The following ALMS1 variants were observed in gnomAD, a reference collection of about 807,000 sequenced individuals.
ALMS1 encodes ALMS1 centrosome and basal body associated protein.
A neutral mutation model predicts 352.2 loss-of-function variants in ALMS1; 271 were observed. The observed-to-expected ratio is 0.77, with a 90% CI of 0.70 to 0.85. The LOEUF is 0.85. ALMS1 is among the 40% of genes least tolerant of loss of function. The pLI is 0.00. For missense variants in ALMS1, 5,445 were observed against 4,870.7 expected, an observed-to-expected ratio of 1.12 and a Z score of -3.51; for synonymous variants, 1,865 against 1,761.2, an observed-to-expected ratio of 1.06 and a Z score of -1.48.
At chr2:73,430,985 A>G (rs981889221) in intron 6 of ALMS1, among the ~76,000 whole-genome samples, 2 of 152,104 alleles carry the variant, frequency 1.3e-5, no homozygotes, top group Non-Finnish European at 2.9e-5. Flanking sequence ...AGGTAATTGA[A>G]AACTATGAAC....
intron 21 of ALMS1, 117 bp from the exon 22 acceptor site, chr2:73,608,358 G>C (rs548373662): frequency 7.2e-6 from 6 of 835,528 alleles, no homozygotes; most frequent in Non-Finnish European, 1.2e-5. Context: ...GCCTTTCTGA[G>C]AGGGATGAGC....
chr2:73,432,808 T>C (rs1671526813), intron 7 of ALMS1, among the ~76,000 whole-genome samples: 1 of 152,174 alleles, frequency 6.6e-6, no homozygotes, highest in African/African-American at 2.4e-5. Context: ...CCTGATGTTT[T>C]ATTAGAGGAA....
At chr2:73,527,397 T>C (rs1467792747) in intron 11 of ALMS1, among the ~76,000 whole-genome samples, 1 of 152,098 alleles carries the variant, frequency 6.6e-6, no homozygotes, top group Non-Finnish European at 1.5e-5. Flanking sequence ...AGCCATTGAG[T>C]CCTCAGCTTT....
At chr2:73,434,504 TGTA>T (rs749786006) in intron 7 of ALMS1, among the ~76,000 whole-genome samples, 13 of 152,220 alleles carry the variant, frequency 8.5e-5, no homozygotes, top group Non-Finnish European at 1.8e-4. Context: ...TGTTTTAGCA[TGTA>T]GTTTATTCTG....
intron 9 of ALMS1, among the ~76,000 whole-genome samples, chr2:73,460,389 A>G (rs1322953977): frequency 6.6e-6 from 1 of 152,214 alleles, no homozygotes; most frequent in African/African-American, 2.4e-5. Flanking sequence ...AATCTGTTTT[A>G]AGAATGTGGT....
intron 10 of ALMS1, among the ~76,000 whole-genome samples, chr2:73,494,996 T>C (rs1484488718): frequency 6.6e-6 from 1 of 152,244 alleles, no homozygotes; most frequent in African/African-American, 2.4e-5. Flanking sequence ...GGAATTCTTC[T>C]GTAAGGAGAA....
chr2:73,474,405 GTGTGTC>G (rs796770483), intron 9 of ALMS1, among the ~76,000 whole-genome samples: 22 of 140,074 alleles, frequency 1.6e-4, no homozygotes, highest in Non-Finnish European at 1.5e-4. Flanking sequence ...GTGTGTGTGT[GTGTGTC>G]TATTGGTTTA....
chr2:73,592,794 G>A (rs965723521), intron 16 of ALMS1, among the ~76,000 whole-genome samples: 4 of 152,012 alleles, frequency 2.6e-5, no homozygotes, highest in African/African-American at 9.7e-5. Context: ...TAATAAATAC[G>A]GGAATGAGTC....
In ALMS1 at chr2:73,557,287, C is replaced by T; in HGVS notation, c.10146C>T (p.His3382=). The change falls in exon 14 of 23, where the codon CAC becomes CAT. Residue 3382 remains histidine, a synonymous_variant. Coordinates refer to ENST00000613296, the MANE Select transcript of ALMS1 (RefSeq NM_001378454.1). ...CAGACAAAAAACAGCAAGAGATTCACAGTACAAGGGCAGTGACTGAGGCTG... is the reference window on the plus strand; with the variant it reads ...CAGACAAAAAACAGCAAGAGATTCATAGTACAAGGGCAGTGACTGAGGCTG... The part of the protein sequence containing the change: ...NLSDKKQQEI[H]STRAVTEAAQ... The T allele has an allele frequency of 6.2e-7, 1 of 1,614,138 alleles. No homozygotes were observed. The highest frequency in any genetic ancestry group is 8.5e-7 in the Non-Finnish European group (1 of 1,180,014).
intron 16 of ALMS1, among the ~76,000 whole-genome samples, chr2:73,577,577 G>T (rs995647169): frequency 7.2e-5 from 11 of 151,814 alleles, no homozygotes; most frequent in Non-Finnish European, 1.5e-5. Context: ...CCTTGCTTTT[G>T]TAGATAAGTT....
chr2:73,419,263 A>G lies in ALMS1; in HGVS notation c.591A>G (p.Gln197=), dbSNP rs373438786. 6.2e-6 allele frequency: 10 copies of G among 1,613,966 alleles called. No homozygotes were observed. The highest frequency in any genetic ancestry group is 1.3e-5 in the African/African-American group (1 of 74,920). ...CTCTGGAGGAGGGCATATTGACGCA[A>G]TCAGAAAATCAAGTAAAGGAACCCA... The part of the protein sequence containing the change: ...FPSLEEGILT[Q]SENQVKEPNR... Residue 197 remains glutamine, a synonymous_variant, in exon 3 of 23, where the codon CAA becomes CAG. Coordinates refer to ENST00000613296, the MANE Select transcript of ALMS1 (RefSeq NM_001378454.1).
At chr2:73,505,163 G>C (rs1191096254) in intron 10 of ALMS1, among the ~76,000 whole-genome samples, 1 of 152,160 alleles carries the variant, frequency 6.6e-6, no homozygotes, top group Admixed American at 6.5e-5. Flanking sequence ...TTGTTATTGT[G>C]AATAATGCTG....
At chr2:73,510,131 A>G (rs988274337) in intron 10 of ALMS1, among the ~76,000 whole-genome samples, 9 of 152,090 alleles carry the variant, frequency 5.9e-5, no homozygotes, top group East Asian at 1.9e-4. Context: ...CCTTTTATCA[A>G]TGTTCTTAGC....
intron 7 of ALMS1, among the ~76,000 whole-genome samples, chr2:73,444,880 C>T (rs1001163705): frequency 1.3e-5 from 2 of 151,650 alleles, no homozygotes; most frequent in African/African-American, 2.4e-5. Flanking sequence ...GAGGGATTAA[C>T]GAAATACAAC....
Position 73,534,894 on chromosome 2 carries a change from A to T in ALMS1, c.9852A>T (p.Gln3284His), listed in dbSNP as rs1558684497. ...TKMYYVPQLR[Q>H]IPPSPDSKSD... ...TGTATTATGTTCCACAATTAAGACAAATTCCTCCATCTCCGGATTCCAAAT... is the reference window on the plus strand; with the variant it reads ...TGTATTATGTTCCACAATTAAGACATATTCCTCCATCTCCGGATTCCAAAT... The change falls in exon 12 of 23, where the codon CAA (glutamine) becomes CAT (histidine). Residue 3284 changes from glutamine (Q) to histidine (H), a missense_variant. Physicochemically the swap from Gln to His is conservative, Grantham distance 24. Transcript: ENST00000613296. 1 of 1,613,766 alleles carries T rather than the reference A, an allele frequency of 6.2e-7. No individual in the cohort carries two copies. The highest frequency in any genetic ancestry group is 1.7e-4 in the Middle Eastern group (1 of 6,056).
chr2:73,530,790 C>T (rs1673893284), intron 11 of ALMS1, among the ~76,000 whole-genome samples: 1 of 152,242 alleles, frequency 6.6e-6, no homozygotes, highest in Admixed American at 6.5e-5. Context: ...CAAAGTTCAA[C>T]TCTTGTCTTC....
At chr2:73,566,139 AATT>A (rs1288375005) in intron 15 of ALMS1, among the ~76,000 whole-genome samples, 2 of 152,196 alleles carry the variant, frequency 1.3e-5, no homozygotes, top group Non-Finnish European at 2.9e-5. Context: ...TGTAAATCCA[AATT>A]ATTCTAAAAT....
chr2:73,450,140 A>C lies in ALMS1; in HGVS notation c.3613A>C (p.Thr1205Pro), dbSNP rs1238617297. 6.2e-7 allele frequency: 1 copy of C among 1,613,822 alleles called. No individual in the cohort carries two copies. Among genetic ancestry groups the C allele is most frequent in the Admixed American group, 1.7e-5 (1 of 59,990 alleles). The change falls in exon 8 of 23, where the codon ACC (threonine) becomes CCC (proline). Residue 1205 changes from threonine (T) to proline (P), a missense_variant. By Grantham distance (38) the Thr-to-Pro change is conservative (BLOSUM62 -1). Transcript: ENST00000613296. ...GAAACCTGGTATTTTCTATCAACAGACCTTGCCAGGTAGTCACATACCTGA... is the reference window on the plus strand; with the variant it reads ...GAAACCTGGTATTTTCTATCAACAGCCCTTGCCAGGTAGTCACATACCTGA... Reference protein sequence around the residue: ...REKPGIFYQQTLPGSHIPEEA... With the variant: ...REKPGIFYQQPLPGSHIPEEA...
At chr2:73,505,187 T>C (rs957940312) in intron 10 of ALMS1, among the ~76,000 whole-genome samples, 6 of 152,228 alleles carry the variant, frequency 3.9e-5, no homozygotes, top group Non-Finnish European at 7.3e-5. Context: ...TAAACATACA[T>C]GTGCATGTGT....
Sources: allele counts gnomAD v4.1 joint callset (sites outside exome capture counted in the v4.1 genomes callset), GRCh38; gene constraint gnomAD v4.1.1; transcripts MANE v1.5; gene names NCBI Gene and HGNC (gene_info 2026-07-23, HGNC 2026-07-21).